The following RELN variants were observed in gnomAD, a reference collection of about 807,000 sequenced individuals.
RELN encodes the protein reelin.
A neutral mutation model predicts 427.6 loss-of-function variants in RELN; 108 were observed. That is an observed-to-expected ratio of 0.25 (90% confidence interval 0.22 to 0.30). RELN has a LOEUF of 0.30. Among genes scored for constraint, RELN ranks in the 10% least tolerant of loss-of-function variants. The probability of loss-of-function intolerance (pLI) is 1.00; values close to 1 mark genes in which losing one functional copy is unlikely to be tolerated. For synonymous variants in RELN, 1,524 were observed against 1,513.4 expected, an observed-to-expected ratio of 1.01 and a Z score of -0.16; for missense variants, 3,715 against 4,302.8, an observed-to-expected ratio of 0.86 and a Z score of 3.82.
At chr7:103,887,213 T>C (rs1457620583) in intron 2 of RELN, among the ~76,000 whole-genome samples, 1 of 152,208 alleles carries the variant, frequency 6.6e-6, no homozygotes, top group East Asian at 1.9e-4. Flanking sequence ...TCAGCTTCAC[T>C]ATTTGACACC....
intron 46 of RELN, among the ~76,000 whole-genome samples, chr7:103,525,498 A>G (rs1192925153): frequency 6.6e-6 from 1 of 152,174 alleles, no homozygotes. Flanking sequence ...ACAGTAAGCA[A>G]TGTGGAAATG....
intron 36 of RELN, among the ~76,000 whole-genome samples, chr7:103,560,064 G>T (rs1309100113): frequency 6.6e-6 from 1 of 152,110 alleles, no homozygotes; most frequent in Non-Finnish European, 1.5e-5. Context: ...TGTAATATTT[G>T]TTTATAGGTT....
chr7:103,830,456 C>T (rs888069538), intron 3 of RELN, among the ~76,000 whole-genome samples: 1 of 151,622 alleles, frequency 6.6e-6, no homozygotes, highest in Admixed American at 6.6e-5. Context: ...AAAGTAAAAG[C>T]CTTACTTTTT....
At chr7:103,682,074 G>A (rs1489134417) in intron 11 of RELN, 42 bp downstream of exon 11, 3 of 1,589,188 alleles carry the variant, frequency 1.9e-6, no homozygotes, top group South Asian at 1.1e-5. Context: ...TAGAATAAAT[G>A]TAAGTGCTAC....
At chr7:103,578,753 C>T (rs1198468047) in intron 28 of RELN, among the ~76,000 whole-genome samples, 1 of 152,080 alleles carries the variant, frequency 6.6e-6, no homozygotes, top group Non-Finnish European at 1.5e-5. Context: ...AATAAGCAGG[C>T]TAAAGTTAAG....
At chr7:103,701,028 A>C (rs764139702) in intron 8 of RELN, 22 bp from the exon 9 acceptor site, 11 of 1,394,520 alleles carry the variant, frequency 7.9e-6, no homozygotes, top group Non-Finnish European at 1.0e-5. Flanking sequence ...AATAACAATA[A>C]ATTTCAAGGT....
intron 4 of RELN, among the ~76,000 whole-genome samples, chr7:103,774,977 C>T (rs954751935): frequency 6.6e-6 from 1 of 152,058 alleles, no homozygotes; most frequent in Admixed American, 6.6e-5. Flanking sequence ...AATTTTTTCC[C>T]ATTGGTTTTT....
At chr7:103,872,859 C>A (rs1794382848) in intron 2 of RELN, among the ~76,000 whole-genome samples, 1 of 150,468 alleles carries the variant, frequency 6.6e-6, no homozygotes, top group Admixed American at 6.6e-5. Flanking sequence ...GCATAAATGT[C>A]TTCTTTTGAG....
intron 2 of RELN, among the ~76,000 whole-genome samples, chr7:103,840,461 A>G (rs1459750477): frequency 2.0e-5 from 3 of 152,242 alleles, no homozygotes; most frequent in Non-Finnish European, 1.5e-5. Context: ...TCATTCTGAC[A>G]TCTCTAAAAT....
rs758140823 is a variant in RELN, at chr7:103,495,705, A to C, written c.9369+18T>G. On this transcript the variant is annotated intron_variant, in intron 57 of 64. Transcript: ENST00000428762. ...AATGCAATGCTACTTTCTGTTTTAAAGAGCCACTTTTCCTTACTTTAAACT... is the reference window on the plus strand; with the variant it reads ...AATGCAATGCTACTTTCTGTTTTAACGAGCCACTTTTCCTTACTTTAAACT... The C allele has an allele frequency of 1.2e-6, 2 of 1,613,738 alleles. No individual in the cohort carries two copies. Among genetic ancestry groups the C allele is most frequent in the Non-Finnish European group, 1.7e-6 (2 of 1,179,726 alleles).
chr7:103,850,646 C>T (rs1346637234), intron 2 of RELN, among the ~76,000 whole-genome samples: 1 of 152,094 alleles, frequency 6.6e-6, no homozygotes, highest in Admixed American at 6.5e-5. Flanking sequence ...ACTTCACAGA[C>T]GGGGGAAGAA....
In RELN at chr7:103,573,404, A is replaced by G. The variant is rs1830927920; in HGVS notation, c.4511+688T>C. ...CCTCAGTCCATAGCGACTGACAGAG[A>G]GTACCTGCTTGACAGGCACACCTCT... On this transcript the variant is annotated intron_variant, in intron 30 of 64. Coordinates refer to ENST00000428762, the MANE Select transcript of RELN (RefSeq NM_005045.4). The surrounding 1 kb of genome is among the most constrained non-coding windows in gnomAD (Gnocchi z 4.4). 6.6e-6 allele frequency among the ~76,000 whole-genome samples: 1 copy of G among 152,194 alleles called. No homozygotes were observed. Among genetic ancestry groups the G allele is most frequent in the African/African-American group, 2.4e-5 (1 of 41,454 alleles).
chr7:103,590,909 A>C (rs1380498533), intron 27 of RELN, among the ~76,000 whole-genome samples: 1 of 152,228 alleles, frequency 6.6e-6, no homozygotes, highest in Non-Finnish European at 1.5e-5. Flanking sequence ...CGTTGCAGAG[A>C]ATATACCTTT....
At chr7:103,982,931 G>A (rs556153172) in intron 1 of RELN, among the ~76,000 whole-genome samples, 4 of 152,162 alleles carry the variant, frequency 2.6e-5, no homozygotes, top group South Asian at 2.1e-4. Context: ...AAGTAGCTAG[G>A]ATCACAAGCA....
At chr7:103,597,819 T>G (rs1831573135) in intron 24 of RELN, among the ~76,000 whole-genome samples, 1 of 152,162 alleles carries the variant, frequency 6.6e-6, no homozygotes, top group Non-Finnish European at 1.5e-5. Context: ...TGTGGTGAGG[T>G]GTCAGACAGA....
In RELN at chr7:103,603,560, A is replaced by T; in HGVS notation, c.3147-70T>A. 1 of 1,144,506 alleles carries T rather than the reference A, an allele frequency of 8.7e-7. No individual in the cohort carries two copies. Among genetic ancestry groups the T allele is most frequent in the South Asian group, 1.2e-5 (1 of 81,392 alleles). 70.9% of individuals were successfully genotyped at this position (1,144,506 alleles called of 1,614,324 possible). A position where few individuals can be genotyped will look rare whatever the true frequency, so the allele number is the denominator to read the frequency against. ...CCAATGCAATGGCCCTCTGACCTCA[A>T]CCATTTCCCATGTCTTACTTTTGCT... On this transcript the variant is annotated intron_variant, in intron 23 of 64. Coordinates refer to ENST00000428762, the MANE Select transcript of RELN (RefSeq NM_005045.4). This position sits in a 1 kb window ranked among gnomAD's most constrained non-coding sequence, Gnocchi z 4.3.
chr7:103,576,068 T>G (rs1279964545), intron 28 of RELN, among the ~76,000 whole-genome samples: 5 of 152,084 alleles, frequency 3.3e-5, no homozygotes, highest in Admixed American at 1.3e-4. Flanking sequence ...CTGTCTCTAC[T>G]AAAAATAGAA....
At chr7:103,720,033 T>G (rs1393527310) in intron 8 of RELN, among the ~76,000 whole-genome samples, 1 of 152,006 alleles carries the variant, frequency 6.6e-6, no homozygotes, top group African/African-American at 2.4e-5. Context: ...TGTATATATA[T>G]GTATGTGTGT....
intron 27 of RELN, 152 bp from the exon 28 acceptor site, chr7:103,589,980 T>C: frequency 1.5e-6 from 1 of 661,960 alleles, no homozygotes; most frequent in Non-Finnish European, 2.7e-6. Flanking sequence ...CCAAGACCCT[T>C]CAATAGATTC....
Sources: gnomAD v4.1 joint callset for allele counts (sites outside exome capture counted in the v4.1 genomes callset) on GRCh38, gnomAD v4.1.1 for gene constraint, Gnocchi (gnomAD v3.1) non-coding constraint, MANE v1.5 for transcripts, NCBI Gene and HGNC (gene_info 2026-07-23, HGNC 2026-07-21) for gene names.